PIGB: variants seen among roughly 807,000 people sequenced by gnomAD.
PIGB encodes phosphatidylinositol glycan anchor biosynthesis class B.
Under a neutral mutation model 68.4 loss-of-function variants are expected in PIGB, and 58 were observed. The ratio of observed to expected loss-of-function variants is 0.85; its 90% CI spans 0.69 to 1.06. The LOEUF is 1.06. Ranked by LOEUF, PIGB falls within the 50% of genes least tolerant of loss-of-function variation. The probability of loss-of-function intolerance (pLI) is 0.00; values close to 1 mark genes in which losing one functional copy is unlikely to be tolerated. For synonymous variants in PIGB, 219 were observed against 220.5 expected (o/e 0.99, Z 0.06); for missense variants, 634 against 655.8 (o/e 0.97, Z 0.36).
chr15:55,324,805 T>C, intron 3 of PIGB: 1 of 985,138 alleles, frequency 1.0e-6, no homozygotes, highest in Non-Finnish European at 1.2e-6. Flanking sequence ...AGGATGAAGC[T>C]TATAGCTCCC....
chr15:55,341,793 G>A lies in PIGB; in HGVS notation c.1114G>A (p.Val372Met). ...FIYPVLPFCM[V>M]FCGYSLTHLK... ...TTATCCAGTTTTACCATTCTGTATG[G>A]TGTTCTGTGGTAAGTGCTTTTGTTT... Residue 372 changes from valine to methionine, a missense_variant, in exon 9 of 12, where the codon GTG (valine) becomes ATG (methionine). Physicochemically the swap from Val to Met is conservative, Grantham distance 21. Coordinates refer to ENST00000164305, the MANE Select transcript of PIGB (RefSeq NM_004855.5). The A allele has an allele frequency of 7.0e-7, 1 of 1,433,268 alleles. No homozygotes were observed. Among genetic ancestry groups the A allele is most frequent in the Non-Finnish European group, 9.3e-7 (1 of 1,072,184 alleles). The allele number at this position is 1,433,268 out of a possible 1,614,324, so 88.8% of individuals were successfully genotyped here.
intron 9 of PIGB, 123 bp from the exon 10 acceptor site, chr15:55,350,576 T>C: frequency 1.4e-6 from 1 of 692,874 alleles, no homozygotes; most frequent in Non-Finnish European, 2.5e-6. Flanking sequence ...TATTGCTTAT[T>C]TCTTATTTGT....
intron 7 of PIGB, among the ~76,000 whole-genome samples, chr15:55,339,764 T>C (rs1438580422): frequency 6.6e-6 from 1 of 152,150 alleles, no homozygotes; most frequent in Non-Finnish European, 1.5e-5. Context: ...AACTCAGGAA[T>C]GGAAAGCCAA....
At chr15:55,345,253 A>C (rs1182333390) in intron 9 of PIGB, among the ~76,000 whole-genome samples, 2 of 151,676 alleles carry the variant, frequency 1.3e-5, no homozygotes, top group Non-Finnish European at 2.9e-5. Context: ...TTCCACAAGG[A>C]ATTAAAAAAA....
chr15:55,339,375 TA>T, intron 7 of PIGB, 57 bp downstream of exon 7: 1 of 1,101,058 alleles, frequency 9.1e-7, no homozygotes, highest in Admixed American at 2.4e-5. Flanking sequence ...ATTAATACTT[TA>T]GAACAGAGGC....
intron 6 of PIGB, among the ~76,000 whole-genome samples, chr15:55,336,668 G>A (rs1418572288): frequency 6.6e-6 from 1 of 152,214 alleles, no homozygotes; most frequent in Non-Finnish European, 1.5e-5. Context: ...ATCAGTTAGG[G>A]ATTGTAATTC....
intron 3 of PIGB, 118 bp from the exon 4 acceptor site, chr15:55,327,413 T>TTTTTGTACTA: frequency 1.6e-6 from 1 of 639,034 alleles, no homozygotes; most frequent in Non-Finnish European, 2.7e-6. Context: ...ATATTGCCTA[T>TTTTTGTACTA]TTTTGTACTA....
At chr15:55,324,628 G>T (rs916580228) in intron 3 of PIGB, among the ~76,000 whole-genome samples, 8 of 151,880 alleles carry the variant, frequency 5.3e-5, no homozygotes, top group Non-Finnish European at 1.2e-4. Context: ...ACACAATAAT[G>T]AAGGCAGAGT....
intron 10 of PIGB, chr15:55,351,656 G>A (rs1259803665): frequency 1.3e-5 from 2 of 151,448 alleles, no homozygotes; most frequent in African/African-American, 4.8e-5. Flanking sequence ...TGGATCACAA[G>A]GTCAGAAGAT....
rs572969656 is a variant in PIGB, at chr15:55,337,819, G to C, written c.795-1448G>C. The stretch of plus-strand genomic sequence containing the variant: ...GAATACATACAGTGTGGTATACATA[G>C]TTACAATACACAGTATTGTAAAGGA... On this transcript the variant is annotated intron_variant, in intron 6 of 11. Transcript: ENST00000164305. 2.0e-5 allele frequency among the ~76,000 whole-genome samples: 3 copies of C among 152,258 alleles called. No homozygotes were observed. In the South Asian group the frequency reaches 6.2e-4, roughly 32 times the overall value.
chr15:55,330,127 A>G (rs1376931697), intron 5 of PIGB, among the ~76,000 whole-genome samples: 1 of 152,220 alleles, frequency 6.6e-6, no homozygotes, highest in Non-Finnish European at 1.5e-5. Flanking sequence ...TATAGTAGGA[A>G]GTCTGTATTA....
intron 3 of PIGB, among the ~76,000 whole-genome samples, chr15:55,326,638 G>T (rs968733616): frequency 6.6e-6 from 1 of 152,066 alleles, no homozygotes; most frequent in African/African-American, 2.4e-5. Flanking sequence ...AGGCCGAGGC[G>T]GGTGGATCAC....
chr15:55,322,818 C>A (rs186572613), intron 3 of PIGB, among the ~76,000 whole-genome samples: 189 of 152,294 alleles, frequency 1.2e-3, no homozygotes, highest in African/African-American at 4.4e-3. Context: ...CGCAACCTGG[C>A]TTTTCTTCTC....
rs2055648903 is a variant in PIGB at position 55,340,673 on chromosome 15, A to G, written c.908A>G (p.Tyr303Cys). 3 of 1,612,918 alleles carry G rather than the reference A, an allele frequency of 1.9e-6. No homozygotes were observed. The highest frequency in any genetic ancestry group is 2.5e-6 in the Non-Finnish European group (3 of 1,179,464). Reference sequence around the variant, plus strand: ...GTGCTGCAGAACTGGGGAACATTTTATGGTTCTCATCCATGGCACTGGTAC... The same window carrying G: ...GTGCTGCAGAACTGGGGAACATTTTGTGGTTCTCATCCATGGCACTGGTAC... ...FNVLQNWGTF[Y>C]GSHPWHWYFS... Residue 303 changes from tyrosine (Y) to cysteine (C), a missense_variant, in exon 8 of 12, where the codon TAT becomes TGT. Physicochemically the swap from Tyr to Cys is radical, Grantham distance 194. Coordinates refer to ENST00000164305, the MANE Select transcript of PIGB (RefSeq NM_004855.5).
chr15:55,335,818 G>C (rs2055521902), intron 6 of PIGB, among the ~76,000 whole-genome samples: 1 of 152,156 alleles, frequency 6.6e-6, no homozygotes, highest in African/African-American at 2.4e-5. Context: ...GGCTAAAAGA[G>C]AGTGAGTTTG....
chr15:55,328,412 A>G (rs538755766), intron 4 of PIGB, among the ~76,000 whole-genome samples: 74 of 152,358 alleles, frequency 4.9e-4, no homozygotes, highest in African/African-American at 1.7e-3. Context: ...ATTGGAAAAT[A>G]CATTCTAAAT....
rs755957426 is a variant in PIGB at position 55,339,275 on chromosome 15, CTTTGAG to C, written c.808_813del (p.Ser272_Leu273del). On this transcript the variant is annotated inframe_deletion, in exon 7 of 12. Coordinates refer to ENST00000164305, the MANE Select transcript of PIGB (RefSeq NM_004855.5). ...CTATTTTTGTTTTTCAGCTTTGTTA[CTTTGAG>C]TTTGTCTCTGATGATTGATCGTATT... 1.4e-5 allele frequency: 22 copies of C among 1,551,708 alleles called. No homozygotes were observed. Among genetic ancestry groups the C allele is most frequent in the Non-Finnish European group, 1.8e-5 (21 of 1,146,862 alleles).
chr15:55,325,995 G>A (rs368344445), intron 3 of PIGB, among the ~76,000 whole-genome samples: 1 of 151,548 alleles, frequency 6.6e-6, no homozygotes, highest in Non-Finnish European at 1.5e-5. Context: ...TCAGGAGTTC[G>A]AGACCAGCCT....
At chr15:55,349,273 C>T (rs1038998778) in intron 9 of PIGB, among the ~76,000 whole-genome samples, 3 of 152,122 alleles carry the variant, frequency 2.0e-5, no homozygotes, top group Non-Finnish European at 4.4e-5. Context: ...CCCTCAAACT[C>T]ATGAGCACAG....
Sources: gnomAD v4.1 joint callset for allele counts (sites outside exome capture counted in the v4.1 genomes callset) on GRCh38, gnomAD v4.1.1 for gene constraint, MANE v1.5 for transcripts, NCBI Gene and HGNC (gene_info 2026-07-23, HGNC 2026-07-21) for gene names.